Variants in HJURP observed in about 807,000 individuals in gnomAD.
The protein encoded by HJURP is 14-3-3-associated AKT substrate.
In HJURP, 49 loss-of-function variants were observed where a neutral mutation model predicts 72.0. The ratio of observed to expected loss-of-function variants is 0.68; its 90% CI spans 0.54 to 0.86. The LOEUF is 0.86. Among genes scored for constraint, HJURP ranks in the 40% least tolerant of loss-of-function variants. HJURP has a pLI of 0.00. For synonymous variants in HJURP, 357 were observed against 347.1 expected (o/e 1.03, Z -0.32); for missense variants, 908 against 936.3 (o/e 0.97, Z 0.39).
At chr2:233,839,313 C>CA (rs1215926721) in intron 8 of HJURP, among the ~76,000 whole-genome samples, 2 of 151,670 alleles carry the variant, frequency 1.3e-5, no homozygotes, top group East Asian at 4.1e-4. Context: ...GTTACCTGCA[C>CA]GGAGCAGGCA....
At chr2:233,844,047 C>A (rs562808789) in intron 7 of HJURP, among the ~76,000 whole-genome samples, 158 bp downstream of exon 7, 1 of 152,202 alleles carries the variant, frequency 6.6e-6, no homozygotes, top group Non-Finnish European at 1.5e-5. Context: ...ACATCTTAAT[C>A]TTCCAGTGAA....
chr2:233,844,739 C>CA (rs761281001), intron 6 of HJURP, among the ~76,000 whole-genome samples: 16 of 152,352 alleles, frequency 1.1e-4, no homozygotes, highest in Middle Eastern at 3.4e-3. Context: ...CAGGTACATC[C>CA]ACTAAGTCGG....
intron 2 of HJURP, among the ~76,000 whole-genome samples, 183 bp from the exon 3 acceptor site, chr2:233,852,803 G>A (rs931368212): frequency 5.3e-5 from 8 of 152,138 alleles, no homozygotes; most frequent in Non-Finnish European, 7.3e-5. Flanking sequence ...AGGCAAATTC[G>A]TCATTCATGG....
At position 233,841,855 on chromosome 2, in the gene HJURP, A is replaced by G. The variant is rs544714992; in HGVS notation, c.925T>C (p.Tyr309His). The G allele has an allele frequency of 6.2e-7, 1 of 1,614,106 alleles. No homozygotes were observed. Among genetic ancestry groups the G allele is most frequent in the South Asian group, 1.1e-5 (1 of 91,072 alleles). The change falls in exon 8 of 9, where the codon TAT (tyrosine) becomes CAT (histidine). Residue 309 changes from tyrosine to histidine, a missense_variant. Physicochemically the swap from Tyr to His is moderately conservative, Grantham distance 83 (BLOSUM62 2). Transcript: ENST00000411486. Reference protein sequence around the residue: ...HRYKSRMNKTYCKGARRSQRS... With the variant: ...HRYKSRMNKTHCKGARRSQRS... ...TGAGAACGTCTGGCTCCTTTGCAAT[A>G]TGTTTTGTTCATCCTGCTCTTATAT... is the stretch of plus-strand genomic sequence containing the variant.
At position 233,841,642 on chromosome 2, in the gene HJURP, T is replaced by A; in HGVS notation, c.1138A>T (p.Thr380Ser). 2 of 1,614,198 alleles carry A rather than the reference T, an allele frequency of 1.2e-6. No homozygotes were observed. Among genetic ancestry groups the A allele is most frequent in the Non-Finnish European group, 8.5e-7 (1 of 1,180,012 alleles). The change falls in exon 8 of 9, where the codon ACA becomes TCA. Residue 380 changes from threonine (T) to serine (S), a missense_variant. Thr to Ser is a moderately conservative substitution (Grantham distance 58, BLOSUM62 1). Transcript: ENST00000411486. ...ATCAAGGAAGAATACTTCGAGGGTGTCACTTTGCGCTCCTTCCAACTTGGA... is the reference window on the plus strand; with the variant it reads ...ATCAAGGAAGAATACTTCGAGGGTGACACTTTGCGCTCCTTCCAACTTGGA... The part of the protein sequence containing the change: ...LDPSWKERKV[T>S]PSKYSSLIYF...
In HJURP at chr2:233,845,745, C is replaced by A; in HGVS notation, c.478G>T (p.Gly160Cys). ...CAGATTACCTCAAAATACTCTGCAC[C>A]TTGTAGCAGTATATCCACTTGGGTC... ...YLTQVDILLQ[G>C]AEYFECAGNR... The change falls in exon 6 of 9, where the codon GGT becomes TGT. Residue 160 changes from glycine (G) to cysteine (C), a missense_variant. Around this residue, in one of 3 missense-constraint regions of HJURP, gnomAD observed 299 missense variants for 286.7 expected, o/e 1.04. Transcript: ENST00000411486. The A allele has an allele frequency of 6.2e-7, 1 of 1,608,892 alleles. No individual in the cohort carries two copies. The highest frequency in any genetic ancestry group is 8.5e-7 in the Non-Finnish European group (1 of 1,175,564).
intron 1 of HJURP, among the ~76,000 whole-genome samples, chr2:233,854,147 C>T (rs1016046238): frequency 4.6e-5 from 7 of 152,180 alleles, no homozygotes; most frequent in Non-Finnish European, 4.4e-5. Flanking sequence ...CTCCCCGTTC[C>T]GGAGGCCCCA....
At chr2:233,844,090 G>GA (rs1705296797) in intron 7 of HJURP, 115 bp downstream of exon 7, 2 of 733,118 alleles carry the variant, frequency 2.7e-6, no homozygotes, top group Non-Finnish European at 4.7e-6. Flanking sequence ...TTATGTTGAT[G>GA]AAACACACCA....
At position 233,849,786 on chromosome 2, in the gene HJURP, G is replaced by C; in HGVS notation, c.314C>G (p.Ser105Trp). The C allele has an allele frequency of 1.9e-6, 3 of 1,554,048 alleles. No individual in the cohort carries two copies. Among genetic ancestry groups the C allele is most frequent in the Non-Finnish European group, 2.6e-6 (3 of 1,148,446 alleles). ...ACCGGCTCCCAGGACTGTGCGGTGC[G>C]AGGGAAGCTCAGGACCCCAGGCTGC... Reference protein sequence around the residue: ...QAAAWGPELPSHRTVLGADSK... With the variant: ...QAAAWGPELPWHRTVLGADSK... Residue 105 changes from serine to tryptophan, a missense_variant, in exon 4 of 9, where the codon TCG becomes TGG. Coordinates refer to ENST00000411486, the MANE Select transcript of HJURP (RefSeq NM_018410.5).
chr2:233,842,261 G>T, intron 7 of HJURP, 56 bp from the exon 8 acceptor site: 1 of 1,420,218 alleles, frequency 7.0e-7, no homozygotes, highest in Non-Finnish European at 9.6e-7. Flanking sequence ...AACCATCCAT[G>T]TGCACAGATG....
chr2:233,843,683 C>T (rs1705286700), intron 7 of HJURP, among the ~76,000 whole-genome samples: 1 of 152,114 alleles, frequency 6.6e-6, no homozygotes, highest in African/African-American at 2.4e-5. Flanking sequence ...AACGATCAGG[C>T]AAACCAGAAA....
intron 8 of HJURP, among the ~76,000 whole-genome samples, chr2:233,838,280 T>C (rs947588489): frequency 6.6e-6 from 1 of 152,234 alleles, no homozygotes; most frequent in African/African-American, 2.4e-5. Flanking sequence ...CCAGGGTAGC[T>C]GGGAGGGCCC....
chr2:233,849,801 C>G lies in HJURP; in HGVS notation c.299G>C (p.Gly100Ala). The change falls in exon 4 of 9, where the codon GGT (glycine) becomes GCT (alanine). Residue 100 changes from glycine to alanine, a missense_variant. By Grantham distance (60) the Gly-to-Ala change is moderately conservative (BLOSUM62 0). This residue lies in a region of HJURP where 299 missense variants were observed against 286.7 expected (regional missense o/e 1.04). Transcript: ENST00000411486. The stretch of plus-strand genomic sequence containing the variant: ...TGTGCGGTGCGAGGGAAGCTCAGGA[C>G]CCCAGGCTGCAGCTTGCACGGAGCC... ...TDGSVQAAAWGPELPSHRTVL... is the reference protein window; with the variant it reads ...TDGSVQAAAWAPELPSHRTVL... 1 of 1,555,210 alleles carries G rather than the reference C, an allele frequency of 6.4e-7. No individual in the cohort carries two copies. Among genetic ancestry groups the G allele is most frequent in the Non-Finnish European group, 8.7e-7 (1 of 1,148,848 alleles).
chr2:233,848,348 C>A (rs975053697), intron 4 of HJURP, among the ~76,000 whole-genome samples: 1 of 152,192 alleles, frequency 6.6e-6, no homozygotes, highest in Admixed American at 6.5e-5. Context: ...GGAGGCCATG[C>A]GGTCAGGCAG....
chr2:233,854,493 C>G lies in HJURP; in HGVS notation c.8G>C (p.Gly3Ala). ML[G>A]TLRAMEGEDV... ...CTCGCCCTCCATGGCGCGCAGCGTA[C>G]CCAGCATCGGACCCAGCCAGTACCC... The change falls in exon 1 of 9, where the codon GGT becomes GCT. Residue 3 changes from glycine to alanine, a missense_variant. This residue lies in a region of HJURP where 299 missense variants were observed against 286.7 expected (regional missense o/e 1.04). Transcript: ENST00000411486. 1.2e-6 allele frequency: 2 copies of G among 1,611,110 alleles called. No homozygotes were observed. Among genetic ancestry groups the G allele is most frequent in the Non-Finnish European group, 1.7e-6 (2 of 1,178,412 alleles).
chr2:233,841,757 C>A lies in HJURP; in HGVS notation c.1023G>T (p.Lys341Asn), dbSNP rs767923363. 55 of 1,614,090 alleles carry A rather than the reference C, an allele frequency of 3.4e-5. No individual in the cohort carries two copies. The highest frequency in any genetic ancestry group is 4.6e-5 in the Non-Finnish European group (54 of 1,180,044). Residue 341 changes from lysine to asparagine, a missense_variant, in exon 8 of 9, where the codon AAG (lysine) becomes AAT (asparagine). Coordinates refer to ENST00000411486, the MANE Select transcript of HJURP (RefSeq NM_018410.5). ...TACGGCAAGAAACATCTAATACGTT[C>A]TTGCAATCTCTTAATGCCCCTGTCC... The part of the protein sequence containing the change: ...VKGTGALRDC[K>N]NVLDVSCRKT...
In HJURP at chr2:233,842,005, T is replaced by C. The variant is rs763828237; in HGVS notation, c.775A>G (p.Thr259Ala). The part of the protein sequence containing the change: ...PFEDDDICNV[T>A]ISDLYAGMLH... Reference sequence around the variant, plus strand: ...ATCCCTGCGTACAGGTCACTGATGGTCACATTGCAAATGTCATCATCTTCA... The same window carrying C: ...ATCCCTGCGTACAGGTCACTGATGGCCACATTGCAAATGTCATCATCTTCA... The change falls in exon 8 of 9, where the codon ACC becomes GCC. Residue 259 changes from threonine (T) to alanine (A), a missense_variant. Transcript: ENST00000411486. The C allele has an allele frequency of 1.2e-6, 2 of 1,614,222 alleles. No individual in the cohort carries two copies. Among genetic ancestry groups the C allele is most frequent in the Non-Finnish European group, 1.7e-6 (2 of 1,180,042 alleles).
intron 2 of HJURP, among the ~76,000 whole-genome samples, chr2:233,852,893 T>C (rs1490965751): frequency 6.6e-6 from 1 of 152,208 alleles, no homozygotes; most frequent in African/African-American, 2.4e-5. Flanking sequence ...AAGGAACATA[T>C]GACAGCGACT....
chr2:233,841,721 T>TA lies in HJURP; in HGVS notation c.1058dup (p.Leu353PhefsTer9). On this transcript the variant is annotated frameshift_variant, in exon 8 of 9. Coordinates refer to ENST00000411486, the MANE Select transcript of HJURP (RefSeq NM_018410.5). LOFTEE classifies it high-confidence loss of function. ...CTTCAAGAAAAGCTTTTTCCAATTT[T>TA]AAACCTGTCTTACGGCAAGAAACAT... is the stretch of plus-strand genomic sequence containing the variant. The TA allele has an allele frequency of 6.2e-7, 1 of 1,614,220 alleles. No individual in the cohort carries two copies. The highest frequency in any genetic ancestry group is 1.3e-5 in the African/African-American group (1 of 75,052).
Sources: gnomAD v4.1 joint callset for allele counts (sites outside exome capture counted in the v4.1 genomes callset) on GRCh38, gnomAD v4.1.1 for gene constraint, gnomAD v4.1.1 regional missense constraint, MANE v1.5 for transcripts, NCBI Gene and HGNC (gene_info 2026-07-23, HGNC 2026-07-21) for gene names.